The following KPNA3 variants were observed in gnomAD, a reference collection of about 807,000 sequenced individuals.
KPNA3 encodes the protein importin subunit alpha-4.
A neutral mutation model predicts 73.8 loss-of-function variants in KPNA3; 13 were observed. The ratio of observed to expected loss-of-function variants is 0.18; its 90% CI spans 0.11 to 0.28. The LOEUF is 0.28. Among genes scored for constraint, KPNA3 ranks in the 10% least tolerant of loss-of-function variants. KPNA3 has a pLI of 1.00. For missense variants in KPNA3, 360 were observed against 618.1 expected, an observed-to-expected ratio of 0.58 and a Z score of 4.43; for synonymous variants, 186 against 206.9, an observed-to-expected ratio of 0.90 and a Z score of 0.87.
At chr13:49,740,898 A>G (rs1035445133) in intron 2 of KPNA3, among the ~76,000 whole-genome samples, 1 of 152,026 alleles carries the variant, frequency 6.6e-6, no homozygotes, top group African/African-American at 2.4e-5. Flanking sequence ...AGAGCATGTG[A>G]TACTTGCCTT....
intron 2 of KPNA3, among the ~76,000 whole-genome samples, chr13:49,742,436 G>GT (rs1390218488): frequency 6.6e-6 from 1 of 152,032 alleles, no homozygotes; most frequent in East Asian, 1.9e-4. Context: ...CAAGTAAGCC[G>GT]TAGAAAGCAA....
At chr13:49,765,215 T>C (rs1285184736) in intron 1 of KPNA3, among the ~76,000 whole-genome samples, 1 of 152,242 alleles carries the variant, frequency 6.6e-6, no homozygotes, top group Non-Finnish European at 1.5e-5. Context: ...TGGGCAGTAA[T>C]ATGTAACTTT....
At chr13:49,731,249 GTTTTT>G (rs143641829) in intron 6 of KPNA3, among the ~76,000 whole-genome samples, 1 of 102,218 alleles carries the variant, frequency 9.8e-6, no homozygotes, top group East Asian at 3.3e-4. Context: ...TAATTTTCGT[GTTTTT>G]TTTTTTTTTT....
At chr13:49,715,835 A>G (rs989567728) in intron 10 of KPNA3, among the ~76,000 whole-genome samples, 23 of 152,190 alleles carry the variant, frequency 1.5e-4, no homozygotes, top group African/African-American at 5.5e-4. Flanking sequence ...AAAACACACA[A>G]TAGTCATTGG....
chr13:49,710,869 A>C (rs1305129126), intron 11 of KPNA3, 22 bp downstream of exon 11: 2 of 1,606,964 alleles, frequency 1.2e-6, no homozygotes, highest in Non-Finnish European at 8.5e-7. Flanking sequence ...TATACAAATA[A>C]GAAAAATTTA....
At chr13:49,745,362 A>T (rs1012923569) in intron 2 of KPNA3, among the ~76,000 whole-genome samples, 1 of 145,156 alleles carries the variant, frequency 6.9e-6, no homozygotes, top group Admixed American at 6.9e-5. Context: ...CAAGACGGTA[A>T]TTTTTTTTTT....
rs377544239 is a variant in KPNA3, at chr13:49,792,544, TGCGGCGGCGGCG to T, written c.-50_-39del. ...CTCCGGCGGCGGCTACTCCTGCGGCTGCGGCGGCGGCGGCGGCGAATCTTGGAGCGGGAGGGG... is the reference window on the plus strand; with the variant it reads ...CTCCGGCGGCGGCTACTCCTGCGGCTGCGGCGAATCTTGGAGCGGGAGGGG... On this transcript the variant is annotated 5_prime_UTR_variant, in exon 1 of 17. Transcript: ENST00000261667. 4.7e-6 allele frequency: 6 copies of T among 1,288,846 alleles called. No individual in the cohort carries two copies. Among genetic ancestry groups the T allele is most frequent in the Admixed American group, 2.2e-5 (1 of 46,168 alleles). 79.8% of individuals were successfully genotyped at this position (1,288,846 alleles called of 1,614,324 possible).
At chr13:49,705,254 G>A (rs1402082378) in intron 15 of KPNA3, among the ~76,000 whole-genome samples, 1 of 151,948 alleles carries the variant, frequency 6.6e-6, no homozygotes, top group African/African-American at 2.4e-5. Flanking sequence ...GGCTACCTGG[G>A]AGGCTGAGGT....
intron 1 of KPNA3, among the ~76,000 whole-genome samples, chr13:49,788,898 T>C (rs1031533751): frequency 1.3e-5 from 2 of 152,144 alleles, no homozygotes; most frequent in East Asian, 3.9e-4. Flanking sequence ...AACCTCAGAA[T>C]AACCTTTACT....
chr13:49,765,525 G>C (rs1954801467), intron 1 of KPNA3, among the ~76,000 whole-genome samples: 1 of 151,996 alleles, frequency 6.6e-6, no homozygotes, highest in Non-Finnish European at 1.5e-5. Context: ...TTTTCTGAGA[G>C]GAGGTCTCAC....
chr13:49,719,785 G>A lies in KPNA3; in HGVS notation c.761C>T (p.Thr254Ile), dbSNP rs1954338098. ...LPALCVLIYHTDINILVDTVW... is the reference protein window; with the variant it reads ...LPALCVLIYHIDINILVDTVW... ...TGCTTCTTAACTTACGTTTATATCTGTATGGTATATGAGGACACATAAAGC... is the reference window on the plus strand; with the variant it reads ...TGCTTCTTAACTTACGTTTATATCTATATGGTATATGAGGACACATAAAGC... The change falls in exon 10 of 17, where the codon ACA becomes ATA. Residue 254 changes from threonine to isoleucine, a missense_variant. Thr to Ile is a moderately conservative substitution (Grantham distance 89, BLOSUM62 -1). Coordinates refer to ENST00000261667, the MANE Select transcript of KPNA3 (RefSeq NM_002267.4). The A allele has an allele frequency of 2.5e-6, 4 of 1,600,972 alleles. No individual in the cohort carries two copies. The highest frequency in any genetic ancestry group is 2.6e-6 in the Non-Finnish European group (3 of 1,169,654).
Position 49,790,567 on chromosome 13 carries a change from C to T in KPNA3, c.69+1871G>A, listed in dbSNP as rs911242625. 4.6e-5 allele frequency among the ~76,000 whole-genome samples: 7 copies of T among 152,246 alleles called. No homozygotes were observed. In the South Asian group the frequency reaches 1.4e-3, roughly 31 times the overall value. ...ATGAAGCTCGTAACAGTGTCTGCCA[C>T]ATTAGAACTACCATTTGAATGTCTA... is the stretch of plus-strand genomic sequence containing the variant. On this transcript the variant is annotated intron_variant, in intron 1 of 16. Coordinates refer to ENST00000261667, the MANE Select transcript of KPNA3 (RefSeq NM_002267.4).
chr13:49,738,533 C>G (rs1005732647), intron 2 of KPNA3, among the ~76,000 whole-genome samples: 2 of 152,166 alleles, frequency 1.3e-5, no homozygotes, highest in African/African-American at 4.8e-5. Flanking sequence ...TGTCTTTCAC[C>G]AGCATTTTGT....
chr13:49,753,014 G>A (rs1217813510), intron 1 of KPNA3, among the ~76,000 whole-genome samples: 8 of 112,940 alleles, frequency 7.1e-5, no homozygotes, highest in East Asian at 2.7e-4. Flanking sequence ...GTGACAGAGC[G>A]AGACTCTGTC....
intron 1 of KPNA3, among the ~76,000 whole-genome samples, chr13:49,791,978 G>C (rs1178211973): frequency 1.3e-5 from 2 of 152,212 alleles, no homozygotes; most frequent in Non-Finnish European, 2.9e-5. Context: ...AGCCCGGACC[G>C]GCAGAGCCGA....
chr13:49,721,313 C>G (rs866878899), intron 9 of KPNA3, among the ~76,000 whole-genome samples: 1 of 152,118 alleles, frequency 6.6e-6, no homozygotes, highest in East Asian at 1.9e-4. Flanking sequence ...TGTAGCAACC[C>G]CCTTTTATAG....
chr13:49,770,834 CAAAAAAAA>C (rs759842886), intron 1 of KPNA3, among the ~76,000 whole-genome samples: 1 of 85,474 alleles, frequency 1.2e-5, no homozygotes, highest in East Asian at 4.0e-4. Flanking sequence ...ACCCACCTAC[CAAAAAAAA>C]AAAAAAAAAA....
In KPNA3 at chr13:49,792,616, A is replaced by C. The variant is rs1441856050; in HGVS notation, c.-110T>G. ...GAGAGCGGGAGGGGGGAGGGGAGAG[A>C]AGAGCACGTTCTGTGACGCCTCCGA... On this transcript the variant is annotated 5_prime_UTR_variant, in exon 1 of 17. Coordinates refer to ENST00000261667, the MANE Select transcript of KPNA3 (RefSeq NM_002267.4). The C allele has an allele frequency of 1.6e-5, 7 of 451,300 alleles. No homozygotes were observed. Among genetic ancestry groups the C allele is most frequent in the African/African-American group, 2.3e-5 (1 of 43,056 alleles). 28.0% of individuals were successfully genotyped at this position (451,300 alleles called of 1,614,324 possible).
chr13:49,706,907 C>T (rs925094273), intron 12 of KPNA3, among the ~76,000 whole-genome samples: 17 of 152,058 alleles, frequency 1.1e-4, no homozygotes, highest in African/African-American at 3.4e-4. Context: ...TGTCACCACG[C>T]CCAGCTAATT....
Sources: allele counts gnomAD v4.1 joint callset (sites outside exome capture counted in the v4.1 genomes callset), GRCh38; gene constraint gnomAD v4.1.1; transcripts MANE v1.5; gene names NCBI Gene and HGNC (gene_info 2026-07-23, HGNC 2026-07-21).